SUCLG2: variants seen among roughly 807,000 people sequenced by gnomAD.
SUCLG2 encodes the protein succinate-CoA ligase GDP-forming subunit beta.
Under a neutral mutation model 47.9 loss-of-function variants are expected in SUCLG2, and 42 were observed. The observed-to-expected ratio is 0.88, with a 90% CI of 0.69 to 1.14. The LOEUF (loss-of-function observed/expected upper bound fraction) is 1.14. Ranked by LOEUF, SUCLG2 falls within the 50% of genes most tolerant of loss-of-function variation. SUCLG2 has a pLI of 0.00. For missense variants in SUCLG2, 571 were observed against 525.9 expected (o/e 1.09, Z -0.84); for synonymous variants, 195 against 197.3 (o/e 0.99, Z 0.10).
chr3:67,386,483 T>C (rs181997433), intron 10 of SUCLG2, among the ~76,000 whole-genome samples: 424 of 151,682 alleles, frequency 2.8e-3, no homozygotes, highest in African/African-American at 9.7e-3. Context: ...TAAAGACATA[T>C]CCAACACTGG....
In SUCLG2 at chr3:67,375,156, T is replaced by C; in HGVS notation, c.*588A>G. On this transcript the variant is annotated 3_prime_UTR_variant, in exon 11 of 11. Coordinates refer to ENST00000307227, the MANE Select transcript of SUCLG2 (RefSeq NM_003848.4). ...ATGGTATATTAATGCAGATATTCCA[T>C]TATTAAATATATTTTGGAATACTCA... 2.0e-6 allele frequency: 2 copies of C among 985,138 alleles called. No individual in the cohort carries two copies. Among genetic ancestry groups the C allele is most frequent in the South Asian group, 9.4e-5 (2 of 21,264 alleles). 61.0% of individuals were successfully genotyped at this position (985,138 alleles called of 1,614,324 possible).
intron 9 of SUCLG2, among the ~76,000 whole-genome samples, chr3:67,420,387 A>C (rs1384450851): frequency 1.3e-5 from 2 of 152,248 alleles, no homozygotes; most frequent in African/African-American, 4.8e-5. Flanking sequence ...ATGTGTTCCA[A>C]AAACAAATTT....
At chr3:67,484,036 T>A (rs565682398) in intron 9 of SUCLG2, among the ~76,000 whole-genome samples, 1 of 152,202 alleles carries the variant, frequency 6.6e-6, no homozygotes, top group Non-Finnish European at 1.5e-5. Flanking sequence ...TACCTATATG[T>A]TGTTTGGGAA....
chr3:67,599,538 T>C (rs932719497), intron 2 of SUCLG2, among the ~76,000 whole-genome samples: 4 of 152,116 alleles, frequency 2.6e-5, no homozygotes, highest in Admixed American at 2.0e-4. Context: ...AGAAAATATA[T>C]ATTTATGTAA....
chr3:67,607,437 C>CG (rs1700439440), intron 2 of SUCLG2, among the ~76,000 whole-genome samples: 3 of 151,390 alleles, frequency 2.0e-5, no homozygotes, highest in Non-Finnish European at 2.9e-5. Context: ...CCCTTTTTTT[C>CG]ATTTTTTTAA....
intron 2 of SUCLG2, among the ~76,000 whole-genome samples, chr3:67,578,357 G>T (rs1226485434): frequency 6.6e-6 from 1 of 150,644 alleles, no homozygotes; most frequent in Non-Finnish European, 1.5e-5. Context: ...AGAAATAGTG[G>T]CAACTAATCA....
At chr3:67,573,346 T>C (rs1707665130) in intron 2 of SUCLG2, among the ~76,000 whole-genome samples, 1 of 152,156 alleles carries the variant, frequency 6.6e-6, no homozygotes, top group African/African-American at 2.4e-5. Context: ...ACACCTAGAA[T>C]TGCCAAAACG....
chr3:67,536,291 C>A (rs750435379), intron 2 of SUCLG2, among the ~76,000 whole-genome samples: 2 of 152,154 alleles, frequency 1.3e-5, no homozygotes, highest in Non-Finnish European at 2.9e-5. Context: ...TAAAGATGTT[C>A]GTTTCACTTT....
intron 4 of SUCLG2, 31 bp downstream of exon 4, chr3:67,528,101 T>C (rs769512652): frequency 3.2e-6 from 5 of 1,576,222 alleles, no homozygotes; most frequent in South Asian, 1.1e-5. Flanking sequence ...TTAACACATA[T>C]ATAGAAAATG....
At chr3:67,507,278 G>A (rs1705662339) in intron 7 of SUCLG2, among the ~76,000 whole-genome samples, 3 of 152,124 alleles carry the variant, frequency 2.0e-5, no homozygotes, top group Admixed American at 2.0e-4. Flanking sequence ...ATGGTCATCT[G>A]TATAAATCAT....
intron 4 of SUCLG2, among the ~76,000 whole-genome samples, chr3:67,524,519 T>C (rs1706203152): frequency 6.6e-6 from 1 of 152,196 alleles, no homozygotes; most frequent in African/African-American, 2.4e-5. Context: ...CAGGCCCTAG[T>C]ACTAGCCCCA....
intron 2 of SUCLG2, among the ~76,000 whole-genome samples, chr3:67,591,744 T>C (rs971436544): frequency 6.6e-6 from 1 of 152,190 alleles, no homozygotes; most frequent in African/African-American, 2.4e-5. Flanking sequence ...AACGGACTAA[T>C]ACAACAATAC....
At position 67,493,470 on chromosome 3, in the gene SUCLG2, G is replaced by T. The variant is rs1377268737; in HGVS notation, c.1062+2328C>A. On this transcript the variant is annotated intron_variant, in intron 9 of 10. Coordinates refer to ENST00000307227, the MANE Select transcript of SUCLG2 (RefSeq NM_003848.4). ...TCCATAAAGTCAAAATTTTGGAAGA[G>T]AGTGGTTTTTTTAAAAGAAAAATGG... Among the ~76,000 whole-genome samples the T allele has an allele frequency of 1.3e-5, 2 of 152,152 alleles. 1 individual carries two copies. The highest frequency in any genetic ancestry group is 2.9e-5 in the Non-Finnish European group (2 of 68,024).
At chr3:67,364,634 C>A (rs1413956278) in intron 10 of SUCLG2, among the ~76,000 whole-genome samples, 2 of 152,184 alleles carry the variant, frequency 1.3e-5, no homozygotes, top group African/African-American at 4.8e-5. Flanking sequence ...GGTTGTCCAC[C>A]CAACATGGCA....
chr3:67,585,966 C>CAAAAAAAA (rs67546250), intron 2 of SUCLG2, among the ~76,000 whole-genome samples: 27 of 59,890 alleles, frequency 4.5e-4, no homozygotes, highest in African/African-American at 1.5e-3. Flanking sequence ...GACTCCATTT[C>CAAAAAAAA]AAAAAAAAAA....
chr3:67,563,712 C>A (rs567796391), intron 2 of SUCLG2, among the ~76,000 whole-genome samples: 1 of 152,084 alleles, frequency 6.6e-6, no homozygotes, highest in Non-Finnish European at 1.5e-5. Context: ...GTAATCCCAG[C>A]ACTTTGGGAG....
intron 1 of SUCLG2, among the ~76,000 whole-genome samples, chr3:67,620,029 TA>T (rs1221704461): frequency 2.0e-5 from 3 of 152,140 alleles, no homozygotes; most frequent in Admixed American, 2.0e-4. Context: ...CAAATTAAGG[TA>T]ATATAAACAT....
chr3:67,577,411 G>A (rs1322607937), intron 2 of SUCLG2, among the ~76,000 whole-genome samples: 1 of 152,122 alleles, frequency 6.6e-6, no homozygotes, highest in African/African-American at 2.4e-5. Flanking sequence ...TCAGAGCAGA[G>A]CTTGGTTCAT....
intron 10 of SUCLG2, among the ~76,000 whole-genome samples, chr3:67,380,681 G>T (rs1702138336): frequency 1.0e-5 from 1 of 100,284 alleles, no homozygotes; most frequent in Admixed American, 1.0e-4. Flanking sequence ...GAAGGGGAAA[G>T]GGGGGTAGAG....
Sources: allele counts gnomAD v4.1 joint callset (sites outside exome capture counted in the v4.1 genomes callset), GRCh38; gene constraint gnomAD v4.1.1; transcripts MANE v1.5; gene names NCBI Gene and HGNC (gene_info 2026-07-23, HGNC 2026-07-21).